The following CRPPA variants were observed in gnomAD, a reference collection of about 807,000 sequenced individuals.
The protein encoded by CRPPA is D-ribitol-5-phosphate cytidylyltransferase.
CRPPA carries 43 observed loss-of-function variants against 52.0 expected under a neutral mutation model. The observed-to-expected ratio is 0.83, with a 90% CI of 0.65 to 1.07. The LOEUF (loss-of-function observed/expected upper bound fraction) is 1.07, where lower values mean the gene tolerates loss of function less well. Among genes scored for constraint, CRPPA ranks in the 50% least tolerant of loss-of-function variants. The probability of loss-of-function intolerance (pLI) is 0.00; values close to 1 mark genes in which losing one functional copy is unlikely to be tolerated. For missense variants in CRPPA, 629 were observed against 551.7 expected, an observed-to-expected ratio of 1.14 and a Z score of -1.40; for synonymous variants, 250 against 203.5, an observed-to-expected ratio of 1.23 and a Z score of -1.94.
chr7:16,259,032 A>G lies in CRPPA; in HGVS notation c.934-20T>C. On this transcript the variant is annotated intron_variant, in intron 6 of 9. Coordinates refer to ENST00000407010, the MANE Select transcript of CRPPA (RefSeq NM_001101426.4). The stretch of plus-strand genomic sequence containing the variant: ...TACATGCTAGTAGGAAAAAACAGAA[A>G]TGAATTCACAAATTAGATAGACCAA... 6.5e-7 allele frequency: 1 copy of G among 1,532,576 alleles called. No individual in the cohort carries two copies. The highest frequency in any genetic ancestry group is 9.0e-7 in the Non-Finnish European group (1 of 1,113,888). The allele number at this position is 1,532,576 out of a possible 1,614,324, so 94.9% of individuals were successfully genotyped here. A position where few individuals can be genotyped will look rare whatever the true frequency, so the allele number is the denominator to read the frequency against.
chr7:16,149,854 C>T (rs1222190740), intron 9 of CRPPA, among the ~76,000 whole-genome samples: 15 of 152,010 alleles, frequency 9.9e-5, no homozygotes, highest in Admixed American at 3.9e-4. Context: ...AGCGTGGCAG[C>T]GGTCACCTGC....
chr7:16,234,228 C>T (rs532877746), intron 8 of CRPPA, among the ~76,000 whole-genome samples: 14 of 151,976 alleles, frequency 9.2e-5, no homozygotes, highest in Non-Finnish European at 1.9e-4. Flanking sequence ...CTATCTCCAA[C>T]AAAAAGTTTG....
intron 1 of CRPPA, among the ~76,000 whole-genome samples, chr7:16,407,657 CTT>C (rs891861821): frequency 2.6e-5 from 4 of 152,150 alleles, no homozygotes; most frequent in African/African-American, 9.7e-5. Context: ...TCTCCTACCT[CTT>C]GTTATCGAAC....
chr7:16,226,848 G>A (rs982262611), intron 8 of CRPPA, among the ~76,000 whole-genome samples: 5 of 151,764 alleles, frequency 3.3e-5, no homozygotes, highest in South Asian at 2.1e-4. Flanking sequence ...TTTCAAGAAC[G>A]TATTAATTGT....
intron 5 of CRPPA, among the ~76,000 whole-genome samples, chr7:16,283,349 T>C (rs1784357485): frequency 6.6e-6 from 1 of 150,660 alleles, no homozygotes; most frequent in Admixed American, 6.6e-5. Flanking sequence ...AGTTATTTAA[T>C]AACTTCCCAA....
At chr7:16,240,296 G>GA (rs1562578348) in intron 8 of CRPPA, among the ~76,000 whole-genome samples, 1 of 151,144 alleles carries the variant, frequency 6.6e-6, no homozygotes. Context: ...AAATACCTGA[G>GA]ACTTACTACA....
At chr7:16,234,482 G>A (rs947294174) in intron 8 of CRPPA, among the ~76,000 whole-genome samples, 1 of 152,014 alleles carries the variant, frequency 6.6e-6, no homozygotes, top group Non-Finnish European at 1.5e-5. Context: ...TTTTTTAATT[G>A]AATTCTACTA....
intron 9 of CRPPA, among the ~76,000 whole-genome samples, chr7:16,097,321 G>A (rs978999516): frequency 6.6e-6 from 1 of 152,048 alleles, no homozygotes; most frequent in Non-Finnish European, 1.5e-5. Flanking sequence ...CATAATAGCT[G>A]TGTTTTAAGA....
intron 9 of CRPPA, among the ~76,000 whole-genome samples, chr7:16,162,888 G>T (rs550119456): frequency 2.4e-4 from 37 of 151,486 alleles, no homozygotes; most frequent in African/African-American, 8.2e-4. Flanking sequence ...ATATTTAGGA[G>T]AGTTAGCTCT....
chr7:16,400,381 C>G (rs115127504), intron 2 of CRPPA, among the ~76,000 whole-genome samples: 2 of 152,280 alleles, frequency 1.3e-5, no homozygotes, highest in African/African-American at 4.8e-5. Context: ...TTGTGACACA[C>G]TGACCTGGTT....
In CRPPA at chr7:16,312,907, G is replaced by A. The variant is rs551434772; in HGVS notation, c.685-4280C>T. 1.2e-4 allele frequency among the ~76,000 whole-genome samples: 18 copies of A among 152,038 alleles called. 2 individuals carry two copies. In the East Asian group the frequency reaches 3.1e-3, roughly 26 times the overall value. ...ATTTTGAAAGTTGAACCAGTCTTGT[G>A]TATCTGAGATAAATCCCAGTCAGTT... On this transcript the variant is annotated intron_variant, in intron 3 of 9. Coordinates refer to ENST00000407010, the MANE Select transcript of CRPPA (RefSeq NM_001101426.4).
rs1039609793 is a variant in CRPPA, at chr7:16,379,872, C to G, written c.535-3631G>C. On this transcript the variant is annotated intron_variant, in intron 2 of 9. Coordinates refer to ENST00000407010, the MANE Select transcript of CRPPA (RefSeq NM_001101426.4). ...GAGACTTTGCTGAAGTTGCTTATCA[C>G]CTTAAGGAGATTTTGGGCTGAGACA... 1.5e-4 allele frequency among the ~76,000 whole-genome samples: 23 copies of G among 152,156 alleles called. 1 individual carries two copies. Among genetic ancestry groups the G allele is most frequent in the Middle Eastern group, 6.8e-3 (2 of 294 alleles).
chr7:16,116,513 A>G (rs1313702524), intron 9 of CRPPA, among the ~76,000 whole-genome samples: 1 of 152,030 alleles, frequency 6.6e-6, no homozygotes, highest in East Asian at 1.9e-4. Flanking sequence ...AAAAATACAA[A>G]CATTAGCCAG....
At chr7:16,247,544 T>A (rs1783311986) in intron 8 of CRPPA, among the ~76,000 whole-genome samples, 1 of 152,138 alleles carries the variant, frequency 6.6e-6, no homozygotes, top group African/African-American at 2.4e-5. Context: ...AGATCACTGA[T>A]CATAGACTAC....
intron 3 of CRPPA, among the ~76,000 whole-genome samples, chr7:16,356,353 T>C (rs73306417): frequency 0.11 from 17,183 of 152,190 alleles, 1,156 homozygotes; most frequent in East Asian, 0.36. Context: ...CAAAGCTGTC[T>C]GATTCCACAT....
At chr7:16,223,544 A>T (rs1480194567) in intron 8 of CRPPA, among the ~76,000 whole-genome samples, 1 of 152,202 alleles carries the variant, frequency 6.6e-6, no homozygotes, top group Non-Finnish European at 1.5e-5. Context: ...AAAACAGAAG[A>T]CAATCTCCTG....
chr7:16,334,212 C>T (rs1046714277), intron 3 of CRPPA, among the ~76,000 whole-genome samples: 1 of 152,272 alleles, frequency 6.6e-6, no homozygotes, highest in Middle Eastern at 3.4e-3. Flanking sequence ...CAGCTTCCCG[C>T]ATAGCCCAGG....
At chr7:16,339,554 T>C in intron 3 of CRPPA, among the ~76,000 whole-genome samples, 1 of 152,190 alleles carries the variant, frequency 6.6e-6, no homozygotes, top group Non-Finnish European at 1.5e-5. Context: ...TTCAACTTTG[T>C]AAAGAACATC....
chr7:16,277,792 C>T (rs1354374120), intron 6 of CRPPA, among the ~76,000 whole-genome samples: 1 of 152,150 alleles, frequency 6.6e-6, no homozygotes, highest in Non-Finnish European at 1.5e-5. Context: ...CTAATCTTCA[C>T]AGAGTCTACA....
Sources: gnomAD v4.1 joint callset for allele counts (sites outside exome capture counted in the v4.1 genomes callset) on GRCh38, gnomAD v4.1.1 for gene constraint, MANE v1.5 for transcripts, NCBI Gene and HGNC (gene_info 2026-07-23, HGNC 2026-07-21) for gene names.